Variants in ZNF536 observed in about 807,000 individuals in gnomAD.
ZNF536 encodes zinc finger protein 536.
In ZNF536, 13 loss-of-function variants were observed where a neutral mutation model predicts 84.5. The observed-to-expected ratio is 0.15, with a 90% CI of 0.10 to 0.24. ZNF536 has a LOEUF of 0.24. Among genes scored for constraint, ZNF536 ranks in the 10% least tolerant of loss-of-function variants. The pLI, the probability that ZNF536 is intolerant of heterozygous loss-of-function variation, is 1.00. For synonymous variants in ZNF536, 811 were observed against 742.5 expected, an observed-to-expected ratio of 1.09 and a Z score of -1.50; for missense variants, 1,536 against 1,747.5, an observed-to-expected ratio of 0.88 and a Z score of 2.16.
intron 1 of ZNF536, among the ~76,000 whole-genome samples, chr19:30,439,167 A>G (rs2051892100): frequency 6.6e-6 from 1 of 152,102 alleles, no homozygotes; most frequent in Non-Finnish European, 1.5e-5. Flanking sequence ...TATTGCACAC[A>G]CACGCACACA....
At chr19:30,572,359 G>C (rs989079120) in intron 1 of ZNF536, among the ~76,000 whole-genome samples, 1 of 152,150 alleles carries the variant, frequency 6.6e-6, no homozygotes, top group Admixed American at 6.5e-5. Flanking sequence ...TGAAGTGGGG[G>C]CACCCAAGGG....
upstream of ZNF536, among the ~76,000 whole-genome samples, chr19:30,227,142 C>T (rs1374731082): frequency 6.6e-6 from 1 of 151,524 alleles, no homozygotes; most frequent in Non-Finnish European, 1.5e-5. Context: ...AAGGTCGAAA[C>T]GCGGGGAAGT....
intron 2 of ZNF536, among the ~76,000 whole-genome samples, chr19:30,465,338 C>T (rs1600854777): frequency 6.6e-6 from 1 of 152,208 alleles, no homozygotes; most frequent in African/African-American, 2.4e-5. Context: ...TTAGTAGGAA[C>T]TATCCCTCCC....
chr19:30,335,508 G>A (rs1353052834), intron 2 of ZNF536, among the ~76,000 whole-genome samples: 5 of 152,068 alleles, frequency 3.3e-5, no homozygotes, highest in African/African-American at 9.7e-5. Context: ...GCCCAGCATT[G>A]CACCAGACAC....
intron 1 of ZNF536, among the ~76,000 whole-genome samples, chr19:30,583,525 C>T (rs2046995328): frequency 6.6e-6 from 1 of 152,188 alleles, no homozygotes. Context: ...TGTATGGGTC[C>T]TGGCCTGCAG....
intron 1 of ZNF536, among the ~76,000 whole-genome samples, chr19:30,657,350 A>G: frequency 6.6e-6 from 1 of 152,220 alleles, no homozygotes; most frequent in Admixed American, 6.5e-5. Flanking sequence ...ACAGACTTGG[A>G]GAGTCCACAG....
At chr19:30,569,179 T>C (rs2046451228) in intron 1 of ZNF536, among the ~76,000 whole-genome samples, 1 of 152,048 alleles carries the variant, frequency 6.6e-6, no homozygotes, top group South Asian at 2.1e-4. Flanking sequence ...TAATAATGAG[T>C]AGAGATGAAT....
At chr19:30,569,375 G>C (rs868635302) in intron 1 of ZNF536, among the ~76,000 whole-genome samples, 20 of 151,650 alleles carry the variant, frequency 1.3e-4, no homozygotes, top group Non-Finnish European at 2.5e-4. Flanking sequence ...GGAGGTGTTT[G>C]GTTTCTCTCT....
intron 1 of ZNF536, among the ~76,000 whole-genome samples, chr19:30,399,967 C>T (rs538416682): frequency 1.3e-5 from 2 of 152,288 alleles, no homozygotes; most frequent in East Asian, 1.9e-4. Context: ...GGATTACAGG[C>T]GTGAGCCACC....
intron 1 of ZNF536, among the ~76,000 whole-genome samples, chr19:30,270,837 T>A (rs919917338): frequency 2.0e-5 from 3 of 152,050 alleles, no homozygotes; most frequent in African/African-American, 7.2e-5. Flanking sequence ...ATGGAGACCA[T>A]TTCATTATGC....
chr19:30,382,476 T>A (rs552669141), intron 1 of ZNF536, among the ~76,000 whole-genome samples: 1 of 152,328 alleles, frequency 6.6e-6, no homozygotes, highest in South Asian at 2.1e-4. Flanking sequence ...AATAAAGCAC[T>A]GTAAAGAAAA....
At chr19:30,634,188 A>G (rs2048984937) in intron 1 of ZNF536, among the ~76,000 whole-genome samples, 1 of 152,108 alleles carries the variant, frequency 6.6e-6, no homozygotes, top group Non-Finnish European at 1.5e-5. Context: ...ACAAGGTCCC[A>G]TTGGCTTAAG....
chr19:30,493,027 G>A (rs952526173), intron 2 of ZNF536, among the ~76,000 whole-genome samples: 1 of 148,432 alleles, frequency 6.7e-6, no homozygotes, highest in Non-Finnish European at 1.5e-5. Context: ...TTTTGAGTCT[G>A]CAGTATTTTT....
At chr19:30,684,298 C>A (rs1316896001) in intron 1 of ZNF536, among the ~76,000 whole-genome samples, 1 of 152,132 alleles carries the variant, frequency 6.6e-6, no homozygotes, top group Non-Finnish European at 1.5e-5. Flanking sequence ...CAATGCCTGG[C>A]TAATTTTTTT....
chr19:30,669,014 C>T (rs1056434859), intron 1 of ZNF536, among the ~76,000 whole-genome samples: 8 of 152,336 alleles, frequency 5.3e-5, no homozygotes, highest in Admixed American at 6.5e-5. Context: ...GTCGGGGGAC[C>T]CCCTCACACG....
intron 1 of ZNF536, among the ~76,000 whole-genome samples, chr19:30,643,844 T>C (rs2049360704): frequency 6.6e-6 from 1 of 152,212 alleles, no homozygotes; most frequent in African/African-American, 2.4e-5. Context: ...AGGCCATGCT[T>C]GAGTGAACTC....
At chr19:30,330,897 G>A (rs1038854144) in intron 2 of ZNF536, among the ~76,000 whole-genome samples, 3 of 152,126 alleles carry the variant, frequency 2.0e-5, no homozygotes, top group Non-Finnish European at 2.9e-5. Flanking sequence ...TCACTGCTCC[G>A]CTCACACAAT....
intron 2 of ZNF536, among the ~76,000 whole-genome samples, chr19:30,447,660 GAGGC>G (rs1454600550): frequency 6.6e-6 from 1 of 152,206 alleles, no homozygotes; most frequent in East Asian, 1.9e-4. Flanking sequence ...CCCTACTTGA[GAGGC>G]AGCCAAGTGC....
intron 1 of ZNF536, among the ~76,000 whole-genome samples, chr19:30,633,866 A>C (rs1251165832): frequency 6.6e-6 from 1 of 151,944 alleles, no homozygotes; most frequent in African/African-American, 2.4e-5. Flanking sequence ...GAGCCATTAC[A>C]CCTGGCCAAT....
Sources: allele counts gnomAD v4.1 joint callset (sites outside exome capture counted in the v4.1 genomes callset), GRCh38; gene constraint gnomAD v4.1.1; transcripts MANE v1.5; gene names NCBI Gene and HGNC (gene_info 2026-07-23, HGNC 2026-07-21).